PDE1C: variants seen among roughly 807,000 people sequenced by gnomAD.
The protein encoded by PDE1C is dual specificity calcium/calmodulin-dependent 3',5'-cyclic nucleotide phosphodiesterase 1C.
In PDE1C, 62 loss-of-function variants were observed where a neutral mutation model predicts 93.1. That is an observed-to-expected ratio of 0.67 (90% confidence interval 0.54 to 0.82). The LOEUF is 0.82. Among genes scored for constraint, PDE1C ranks in the 40% least tolerant of loss-of-function variants. The pLI, the probability that PDE1C is intolerant of heterozygous loss-of-function variation, is 0.00. For synonymous variants in PDE1C, 325 were observed against 310.1 expected, an observed-to-expected ratio of 1.05 and a Z score of -0.50; for missense variants, 742 against 884.6, an observed-to-expected ratio of 0.84 and a Z score of 2.04.
chr7:32,240,172 G>C (rs1808439197), intron 1 of PDE1C, among the ~76,000 whole-genome samples: 1 of 152,170 alleles, frequency 6.6e-6, no homozygotes, highest in African/African-American at 2.4e-5. Flanking sequence ...TCCTTTAACT[G>C]GGTGGAGGGT....
At chr7:31,716,615 G>A in the PDE1C span, among the ~76,000 whole-genome samples, 50 of 152,182 alleles carry the variant, frequency 3.3e-4, no homozygotes, top group Admixed American at 5.9e-4. Context: ...AGAGTCTGAG[G>A]GTGAGTGGTC....
chr7:32,108,781 G>A (rs1015050470), intron 3 of PDE1C, among the ~76,000 whole-genome samples: 2 of 152,160 alleles, frequency 1.3e-5, no homozygotes, highest in African/African-American at 4.8e-5. Context: ...AAGCCCAAGT[G>A]CCCTCTGGCC....
intron 4 of PDE1C, 122 bp downstream of exon 4, chr7:31,878,866 ATCTGTTTC>A: frequency 1.2e-6 from 1 of 837,434 alleles, no homozygotes; most frequent in South Asian, 1.8e-5. Context: ...ATTCAAGACT[ATCTGTTTC>A]TACCCACAAT....
chr7:31,783,102 A>G (rs1252961848), intron 16 of PDE1C, among the ~76,000 whole-genome samples: 1 of 152,208 alleles, frequency 6.6e-6, no homozygotes, highest in Non-Finnish European at 1.5e-5. Flanking sequence ...GCAGGAAAAT[A>G]TTGCCAAATA....
At chr7:32,247,864 T>C (rs886990780) in intron 1 of PDE1C, among the ~76,000 whole-genome samples, 1 of 152,160 alleles carries the variant, frequency 6.6e-6, no homozygotes, top group Non-Finnish European at 1.5e-5. Context: ...AACCCCATCA[T>C]AAGTCTGTAC....
intron 3 of PDE1C, among the ~76,000 whole-genome samples, chr7:32,114,540 T>C (rs2128758864): frequency 6.6e-6 from 1 of 152,216 alleles, no homozygotes; most frequent in East Asian, 1.9e-4. Context: ...GGCAATACCA[T>C]TCAGGACACA....
At chr7:31,848,878 T>C (rs1792961944) in intron 8 of PDE1C, among the ~76,000 whole-genome samples, 2 of 152,300 alleles carry the variant, frequency 1.3e-5, no homozygotes, top group Admixed American at 6.5e-5. Context: ...CACCTGCCAT[T>C]GGCCAAACTT....
chr7:32,313,194 C>T (rs1371894203), intron 1 of PDE1C, among the ~76,000 whole-genome samples: 1 of 152,092 alleles, frequency 6.6e-6, no homozygotes, highest in African/African-American at 2.4e-5. Context: ...CAAATCAAAA[C>T]CACAATGAGA....
At chr7:31,852,763 A>G (rs1439138268) in intron 7 of PDE1C, among the ~76,000 whole-genome samples, 1 of 152,074 alleles carries the variant, frequency 6.6e-6, no homozygotes, top group East Asian at 1.9e-4. Context: ...ATCATTGTTC[A>G]TGTGTTTATT....
Position 31,880,735 on chromosome 7 carries a change from T to C in PDE1C, c.242+12A>G. 2 of 1,502,862 alleles carry C rather than the reference T, an allele frequency of 1.3e-6. No homozygotes were observed. The highest frequency in any genetic ancestry group is 1.8e-6 in the Non-Finnish European group (2 of 1,083,268). The allele number at this position is 1,502,862 out of a possible 1,614,324, so 93.1% of individuals were successfully genotyped here. ...ATCACTATACTAATCTCTTTTGTTA[T>C]TTTTAGCTTACCTTGTTTCATCAAT... On this transcript the variant is annotated intron_variant, in intron 3 of 17. Transcript: ENST00000396191.
At chr7:32,323,907 C>A (rs1011438201) in intron 1 of PDE1C, among the ~76,000 whole-genome samples, 2 of 152,118 alleles carry the variant, frequency 1.3e-5, no homozygotes, top group South Asian at 2.1e-4. Flanking sequence ...CCTGTCCCAT[C>A]GCACACTGTG....
chr7:31,695,558 T>A, the PDE1C span: 4 of 1,613,564 alleles, frequency 2.5e-6, no homozygotes, highest in African/African-American at 1.3e-5. Flanking sequence ...GAATGTTGAG[T>A]CAGACCAAAA....
chr7:32,144,367 G>A (rs960953764), intron 3 of PDE1C, among the ~76,000 whole-genome samples: 1 of 152,146 alleles, frequency 6.6e-6, no homozygotes, highest in Admixed American at 6.5e-5. Flanking sequence ...AGCCTTTGTG[G>A]AAAGGCAGCA....
the PDE1C span, among the ~76,000 whole-genome samples, chr7:31,734,899 T>C: frequency 1.3e-5 from 2 of 152,222 alleles, no homozygotes; most frequent in Non-Finnish European, 2.9e-5. Flanking sequence ...GAATATCTTT[T>C]GGCCTAGAGT....
chr7:31,799,101 C>T (rs1175392107), intron 16 of PDE1C, among the ~76,000 whole-genome samples: 4 of 151,566 alleles, frequency 2.6e-5, no homozygotes, highest in Non-Finnish European at 5.9e-5. Flanking sequence ...GTCCGTATAA[C>T]CAGTGAATGC....
At chr7:31,836,220 C>G (rs1191877003) in intron 11 of PDE1C, among the ~76,000 whole-genome samples, 1 of 152,130 alleles carries the variant, frequency 6.6e-6, no homozygotes, top group East Asian at 1.9e-4. Context: ...AGCACATGTG[C>G]CTGAGTTGGA....
intron 1 of PDE1C, among the ~76,000 whole-genome samples, chr7:32,409,774 T>C (rs1047784029): frequency 6.6e-6 from 1 of 151,912 alleles, no homozygotes; most frequent in Non-Finnish European, 1.5e-5. Flanking sequence ...TTCACACATA[T>C]ATCTTCTTAA....
the PDE1C span, among the ~76,000 whole-genome samples, chr7:31,689,909 G>T: frequency 6.6e-6 from 1 of 152,194 alleles, no homozygotes; most frequent in Admixed American, 6.5e-5. Flanking sequence ...AAACAGTCTT[G>T]CTGGTTCACC....
rs774442366 is a variant in PDE1C, at chr7:31,753,486, G to A, written c.2028C>T (p.Val676=). The A allele has an allele frequency of 1.2e-6, 2 of 1,612,324 alleles. No homozygotes were observed. The highest frequency in any genetic ancestry group is 2.2e-5 in the East Asian group (1 of 44,862). ...CAGGATGCTCATCAGTTTTCTTTGAGACTGAAGGTGCATAGGAGCTAGATG... is the reference window on the plus strand; with the variant it reads ...CAGGATGCTCATCAGTTTTCTTTGAAACTGAAGGTGCATAGGAGCTAGATG... ...AYASSSYAPS[V]SKKTDEHPAR... is the part of the protein sequence containing the mutation. Residue 676 remains valine, a synonymous_variant, in exon 18 of 18, where the codon GTC becomes GTT. Coordinates refer to ENST00000396191, the MANE Select transcript of PDE1C (RefSeq NM_001191057.4).
Sources: allele counts gnomAD v4.1 joint callset (sites outside exome capture counted in the v4.1 genomes callset), GRCh38; gene constraint gnomAD v4.1.1; transcripts MANE v1.5; gene names NCBI Gene and HGNC (gene_info 2026-07-23, HGNC 2026-07-21).